Variants in TEK observed in about 807,000 individuals in gnomAD.
TEK encodes angiopoietin-1 receptor.
A neutral mutation model predicts 131.8 loss-of-function variants in TEK; 43 were observed. That is an observed-to-expected ratio of 0.33 (90% CI 0.26 to 0.42). The LOEUF is 0.42. TEK is among the 10% of genes least tolerant of loss of function. The pLI is 1.00. For missense variants in TEK, 1,162 were observed against 1,384.4 expected (o/e 0.84, Z 2.55); for synonymous variants, 580 against 491.6 (o/e 1.18, Z -2.38).
intron 1 of TEK, among the ~76,000 whole-genome samples, chr9:27,134,128 T>C (rs1029616069): frequency 6.6e-6 from 1 of 152,182 alleles, no homozygotes; most frequent in Admixed American, 6.5e-5. Flanking sequence ...GCTGTTCTAG[T>C]AGAGGGGATG....
chr9:27,218,637 T>G, intron 19 of TEK, 140 bp from the exon 20 acceptor site: 2 of 813,246 alleles, frequency 2.5e-6, no homozygotes, highest in Non-Finnish European at 4.3e-6. Flanking sequence ...ACCTACACTG[T>G]GTGCAAGGGC....
intron 11 of TEK, among the ~76,000 whole-genome samples, chr9:27,196,961 C>T (rs1414969147): frequency 4.0e-5 from 6 of 151,808 alleles, no homozygotes; most frequent in Middle Eastern, 3.4e-3. Context: ...GTGCTGCACC[C>T]ATTAACTCGT....
intron 1 of TEK, among the ~76,000 whole-genome samples, chr9:27,151,831 G>T (rs1174043824): frequency 6.6e-6 from 1 of 152,230 alleles, no homozygotes; most frequent in East Asian, 1.9e-4. Flanking sequence ...AACTTAATGA[G>T]TGCTTTTTGA....
chr9:27,111,792 C>A (rs1265855039), intron 1 of TEK, among the ~76,000 whole-genome samples: 2 of 151,558 alleles, frequency 1.3e-5, no homozygotes, highest in Non-Finnish European at 2.9e-5. Flanking sequence ...AGAAAACTAA[C>A]AAAAAAATCA....
Position 27,229,299 on chromosome 9 carries a change from A to G in TEK, c.*67A>G. 1 of 1,464,138 alleles carries G rather than the reference A, an allele frequency of 6.8e-7. No homozygotes were observed. Among genetic ancestry groups the G allele is most frequent in the Non-Finnish European group, 9.6e-7 (1 of 1,043,978 alleles). 90.7% of individuals were successfully genotyped at this position (1,464,138 alleles called of 1,614,324 possible). The stretch of plus-strand genomic sequence containing the variant: ...TGGGAGACCCTTGACACCTGCTGAG[A>G]AAACATGCCTCTGCCAAAGGATGTG... On this transcript the variant is annotated 3_prime_UTR_variant, in exon 23 of 23. Coordinates refer to ENST00000380036, the MANE Select transcript of TEK (RefSeq NM_000459.5).
At chr9:27,187,628 A>G (rs1253591417) in intron 9 of TEK, among the ~76,000 whole-genome samples, 1 of 152,194 alleles carries the variant, frequency 6.6e-6, no homozygotes, top group African/African-American at 2.4e-5. Flanking sequence ...GGGTGCCATA[A>G]CAAAATACTA....
rs1821236043 is a variant in TEK, at chr9:27,109,232, C to G, written c.-359C>G. The stretch of plus-strand genomic sequence containing the variant: ...CACTTCCAACAAAAATTCCTCTGCC[C>G]CTACAGCAGCAGCAAAAGCAGCAGC... On this transcript the variant is annotated 5_prime_UTR_variant, in exon 1 of 23. Coordinates refer to ENST00000380036, the MANE Select transcript of TEK (RefSeq NM_000459.5). 1.9e-6 allele frequency: 1 copy of G among 529,846 alleles called. No homozygotes were observed. The highest frequency in any genetic ancestry group is 3.6e-5 in the Admixed American group (1 of 28,062). 32.8% of individuals were successfully genotyped at this position (529,846 alleles called of 1,614,324 possible). A position where few individuals can be genotyped will look rare whatever the true frequency, so the allele number is the denominator to read the frequency against.
chr9:27,116,515 C>T (rs1237392504), intron 1 of TEK, among the ~76,000 whole-genome samples: 1 of 152,154 alleles, frequency 6.6e-6, no homozygotes, highest in Non-Finnish European at 1.5e-5. Flanking sequence ...GAACTCCTGA[C>T]CTCATGATCC....
At chr9:27,156,676 T>A (rs1426307339) in intron 1 of TEK, among the ~76,000 whole-genome samples, 3 of 152,218 alleles carry the variant, frequency 2.0e-5, no homozygotes, top group Non-Finnish European at 4.4e-5. Context: ...TTTTGAGCCT[T>A]CATTTCTTCA....
chr9:27,138,507 C>A (rs1175894317), intron 1 of TEK, among the ~76,000 whole-genome samples: 1 of 152,194 alleles, frequency 6.6e-6, no homozygotes, highest in Non-Finnish European at 1.5e-5. Flanking sequence ...CATTTACAAT[C>A]CTCTAGCTAG....
At chr9:27,170,944 G>A (rs1823932466) in intron 4 of TEK, among the ~76,000 whole-genome samples, 1 of 152,160 alleles carries the variant, frequency 6.6e-6, no homozygotes, top group African/African-American at 2.4e-5. Context: ...AACGAGTAAA[G>A]CAGTCTCACT....
At position 27,109,579 on chromosome 9, in the gene TEK, A is replaced by G. The variant is rs1564028847; in HGVS notation, c.-12A>G. ...ACATTTGTGGAAACTGGATGGAGAG[A>G]TTTGGGGAAGCATGGACTCTTTAGC... On this transcript the variant is annotated 5_prime_UTR_variant, in exon 1 of 23. Transcript: ENST00000380036. 6.2e-7 allele frequency: 1 copy of G among 1,614,094 alleles called. No individual in the cohort carries two copies. Among genetic ancestry groups the G allele is most frequent in the Admixed American group, 1.7e-5 (1 of 60,012 alleles).
rs970128664 is a variant in TEK at position 27,109,485 on chromosome 9, G to A, written c.-106G>A. ...CTTGCCTCTAACTTGTAAACAAGAC[G>A]TAGTAGGACGATGCTAATGGAAAGT... On this transcript the variant is annotated 5_prime_UTR_variant, in exon 1 of 23. Transcript: ENST00000380036. The A allele has an allele frequency of 1.8e-5, 20 of 1,122,730 alleles. No homozygotes were observed. The East Asian group carries it at 4.2e-4, about 24-fold the overall frequency. 69.5% of individuals were successfully genotyped at this position (1,122,730 alleles called of 1,614,324 possible). A position where few individuals can be genotyped will look rare whatever the true frequency, so the allele number is the denominator to read the frequency against.
intron 1 of TEK, among the ~76,000 whole-genome samples, chr9:27,133,780 G>A (rs761554034): frequency 6.6e-6 from 1 of 152,136 alleles, no homozygotes; most frequent in Admixed American, 6.5e-5. Context: ...TTCAACCAGA[G>A]TAATTATACT....
chr9:27,199,212 G>A (rs1304232106), intron 12 of TEK, among the ~76,000 whole-genome samples: 9 of 152,170 alleles, frequency 5.9e-5, no homozygotes, highest in Admixed American at 5.9e-4. Flanking sequence ...TAGCTTTGAT[G>A]CATGTAATTT....
At position 27,153,144 on chromosome 9, in the gene TEK, T is replaced by C. The variant is rs377024647; in HGVS notation, c.53-4687T>C. 1.4e-4 allele frequency among the ~76,000 whole-genome samples: 21 copies of C among 152,320 alleles called. No individual in the cohort carries two copies. In the East Asian group the frequency reaches 2.9e-3, roughly 21 times the overall value. The stretch of plus-strand genomic sequence containing the variant: ...CCTTATAAACAAGGACACACTTTTA[T>C]GCAAACATTGAAAAAGTGTTTGAGG... On this transcript the variant is annotated intron_variant, in intron 1 of 22. Transcript: ENST00000380036.
At chr9:27,115,801 G>A (rs1289978577) in intron 1 of TEK, among the ~76,000 whole-genome samples, 1 of 152,198 alleles carries the variant, frequency 6.6e-6, no homozygotes, top group African/African-American at 2.4e-5. Context: ...AGCAGGGCAG[G>A]CTTAAGGAAG....
At chr9:27,196,620 A>C (rs1475532063) in intron 11 of TEK, among the ~76,000 whole-genome samples, 1 of 152,128 alleles carries the variant, frequency 6.6e-6, no homozygotes, top group Non-Finnish European at 1.5e-5. Context: ...CCATTGGCTC[A>C]TGGTTCTGCA....
At chr9:27,215,798 T>G (rs1825803701) in intron 18 of TEK, among the ~76,000 whole-genome samples, 1 of 152,080 alleles carries the variant, frequency 6.6e-6, no homozygotes, top group Non-Finnish European at 1.5e-5. Context: ...TAACAGCTGA[T>G]AAATGCAAAG....
Sources: gnomAD v4.1 joint callset for allele counts (sites outside exome capture counted in the v4.1 genomes callset) on GRCh38, gnomAD v4.1.1 for gene constraint, MANE v1.5 for transcripts, NCBI Gene and HGNC (gene_info 2026-07-23, HGNC 2026-07-21) for gene names.